CTNNA3: variants seen among roughly 807,000 people sequenced by gnomAD.
CTNNA3 encodes catenin alpha 3, also known as catenin alpha-3.
CTNNA3 carries 76 observed loss-of-function variants against 95.7 expected under a neutral mutation model. The observed-to-expected ratio is 0.79, with a 90% CI of 0.66 to 0.96. The LOEUF is 0.96. CTNNA3 is among the 40% of genes least tolerant of loss of function. The pLI is 0.00. For missense variants in CTNNA3, 1,191 were observed against 1,089.8 expected, an observed-to-expected ratio of 1.09 and a Z score of -1.31; for synonymous variants, 431 against 374.4, an observed-to-expected ratio of 1.15 and a Z score of -1.74.
chr10:67,633,357 C>T (rs1839206975), intron 2 of CTNNA3, among the ~76,000 whole-genome samples: 1 of 152,258 alleles, frequency 6.6e-6, no homozygotes, highest in Admixed American at 6.5e-5. Flanking sequence ...TCCCTCACTC[C>T]CCGCCCCAAC....
intron 13 of CTNNA3, among the ~76,000 whole-genome samples, chr10:66,276,695 T>C (rs2091405578): frequency 6.6e-6 from 1 of 152,122 alleles, no homozygotes; most frequent in Non-Finnish European, 1.5e-5. Context: ...CATGTTGCTC[T>C]ACAAGCATGC....
In CTNNA3 at chr10:66,950,107, C is replaced by A. The variant is rs1848463258; in HGVS notation, c.1048-174583G>T. Among the ~76,000 whole-genome samples, 4 of 152,136 alleles carry A rather than the reference C, an allele frequency of 2.6e-5. No individual in the cohort carries two copies. In the South Asian group the frequency reaches 8.3e-4, roughly 32 times the overall value. On this transcript the variant is annotated intron_variant, in intron 7 of 17. Transcript: ENST00000433211. ...TGAACGTCTCCTTCAGGGTCTATCT[C>A]TAATTTGCTCAAATTATTTCTTCTG...
In CTNNA3 at chr10:65,920,192, T is replaced by C. The variant is rs2077060094; in HGVS notation, c.*138A>G. The C allele has an allele frequency of 2.8e-6, 2 of 716,222 alleles. No individual in the cohort carries two copies. The highest frequency in any genetic ancestry group is 1.8e-5 in the African/African-American group (1 of 56,170). 44.4% of individuals were successfully genotyped at this position (716,222 alleles called of 1,614,324 possible). ...CCCAAATATATATTGCTTTTGTTGA[T>C]TTAGCGCCCAATATTTTATGTTATT... On this transcript the variant is annotated 3_prime_UTR_variant, in exon 18 of 18. Transcript: ENST00000433211.
chr10:66,837,854 G>T (rs1842933043), intron 7 of CTNNA3: 1 of 152,020 alleles, frequency 6.6e-6, no homozygotes, highest in Non-Finnish European at 1.5e-5. Flanking sequence ...CCATTGCACA[G>T]TCATCAAGGA....
At chr10:66,012,319 A>C (rs1466186390) in intron 15 of CTNNA3, among the ~76,000 whole-genome samples, 1 of 152,194 alleles carries the variant, frequency 6.6e-6, no homozygotes, top group Non-Finnish European at 1.5e-5. Context: ...GGAGAATATT[A>C]GTTGAAGGAA....
intron 11 of CTNNA3, among the ~76,000 whole-genome samples, chr10:66,382,614 T>C (rs1463060833): frequency 6.6e-6 from 1 of 152,188 alleles, no homozygotes; most frequent in Non-Finnish European, 1.5e-5. Context: ...GCTCTGAGAA[T>C]GGACAGACTG....
At position 67,112,550 on chromosome 10, in the gene CTNNA3, C is replaced by A. The variant is rs80338973; in HGVS notation, c.1047+67767G>T. 4.4e-3 allele frequency among the ~76,000 whole-genome samples: 662 copies of A among 151,918 alleles called. 1 individual carries two copies. Among genetic ancestry groups the A allele is most frequent in the African/African-American group, 0.015 (622 of 41,456 alleles). On this transcript the variant is annotated intron_variant, in intron 7 of 17. Coordinates refer to ENST00000433211, the MANE Select transcript of CTNNA3 (RefSeq NM_013266.4). The stretch of plus-strand genomic sequence containing the variant: ...AATGGATAAAGTAAGATAATGGAAG[C>A]TGATTTGTATTTCAGAGAAAAAAAT...
At chr10:67,121,826 T>C (rs1361858950) in intron 7 of CTNNA3, among the ~76,000 whole-genome samples, 1 of 151,834 alleles carries the variant, frequency 6.6e-6, no homozygotes, top group Non-Finnish European at 1.5e-5. Context: ...ACCACTGATC[T>C]CCAGAGAACT....
intron 7 of CTNNA3, among the ~76,000 whole-genome samples, chr10:66,842,621 G>A (rs1843105993): frequency 6.6e-6 from 1 of 152,194 alleles, no homozygotes; most frequent in Non-Finnish European, 1.5e-5. Context: ...AATATATGAA[G>A]TGATGTGTGA....
chr10:66,274,682 T>G (rs924840327), intron 13 of CTNNA3, among the ~76,000 whole-genome samples: 3 of 152,192 alleles, frequency 2.0e-5, no homozygotes, highest in Non-Finnish European at 2.9e-5. Flanking sequence ...TTTATTAATA[T>G]CTAATTTACA....
chr10:66,617,022 C>A (rs1844541105), intron 10 of CTNNA3, among the ~76,000 whole-genome samples: 1 of 151,786 alleles, frequency 6.6e-6, no homozygotes, highest in African/African-American at 2.4e-5. Flanking sequence ...ATACACTGAA[C>A]AAATATTTAT....
intron 7 of CTNNA3, among the ~76,000 whole-genome samples, chr10:66,785,904 C>T (rs1174265170): frequency 6.6e-6 from 1 of 152,126 alleles, no homozygotes; most frequent in Non-Finnish European, 1.5e-5. Flanking sequence ...CCAGATATCA[C>T]AAAAATTGTT....
intron 1 of CTNNA3, among the ~76,000 whole-genome samples, chr10:67,744,267 G>A (rs59238501): frequency 0.092 from 13,823 of 150,936 alleles, 1,631 homozygotes; most frequent in African/African-American, 0.26. Context: ...ACAAGGCTAC[G>A]GTAACCAAAA....
At chr10:67,533,700 T>C (rs979597078) in intron 4 of CTNNA3, among the ~76,000 whole-genome samples, 1 of 152,198 alleles carries the variant, frequency 6.6e-6, no homozygotes, top group African/African-American at 2.4e-5. Flanking sequence ...CAGTGACCCA[T>C]GTTTACACTA....
At chr10:66,856,809 T>C (rs1843701227) in intron 7 of CTNNA3, among the ~76,000 whole-genome samples, 2 of 152,140 alleles carry the variant, frequency 1.3e-5, no homozygotes, top group African/African-American at 4.8e-5. Flanking sequence ...TATTAGACTT[T>C]TGTCAGATGC....
chr10:66,891,735 G>A (rs974071985), intron 7 of CTNNA3, among the ~76,000 whole-genome samples: 5 of 152,216 alleles, frequency 3.3e-5, no homozygotes, highest in African/African-American at 9.6e-5. Flanking sequence ...TTAAAACTAC[G>A]GAATGTTTTA....
chr10:67,327,302 G>A (rs1419412137), intron 5 of CTNNA3, among the ~76,000 whole-genome samples: 2 of 152,140 alleles, frequency 1.3e-5, no homozygotes, highest in African/African-American at 4.8e-5. Context: ...AAGGTACTCT[G>A]GCTTTTTGAG....
chr10:66,616,518 G>A (rs1015170585), intron 10 of CTNNA3, among the ~76,000 whole-genome samples: 1 of 151,982 alleles, frequency 6.6e-6, no homozygotes, highest in African/African-American at 2.4e-5. Context: ...TTTCTGAGGT[G>A]TTCATATGAT....
chr10:66,958,108 G>A (rs1848917624), intron 7 of CTNNA3, among the ~76,000 whole-genome samples: 1 of 151,992 alleles, frequency 6.6e-6, no homozygotes, highest in Non-Finnish European at 1.5e-5. Flanking sequence ...CCAGCTTCCA[G>A]AACATTAAGA....
Sources: allele counts gnomAD v4.1 joint callset (sites outside exome capture counted in the v4.1 genomes callset), GRCh38; gene constraint gnomAD v4.1.1; transcripts MANE v1.5; gene names NCBI Gene and HGNC (gene_info 2026-07-23, HGNC 2026-07-21).